FCRL2: variants seen among roughly 807,000 people sequenced by gnomAD.
FCRL2 encodes Fc receptor-like protein 2.
FCRL2 carries 48 observed loss-of-function variants against 59.8 expected under a neutral mutation model. The observed-to-expected ratio is 0.80, with a 90% CI of 0.64 to 1.02. The LOEUF (loss-of-function observed/expected upper bound fraction) is 1.02, where lower values mean the gene tolerates loss of function less well. FCRL2 is among the 50% of genes least tolerant of loss of function. The pLI is 0.00. For synonymous variants in FCRL2, 251 were observed against 229.5 expected (o/e 1.09, Z -0.85); for missense variants, 658 against 597.3 (o/e 1.10, Z -1.06).
In FCRL2 at chr1:157,775,770, C is replaced by T. The variant is rs759856520; in HGVS notation, c.52+5G>A. The T allele has an allele frequency of 1.5e-5, 24 of 1,613,946 alleles. No homozygotes were observed. In the African/African-American group the frequency reaches 3.1e-4, roughly 21 times the overall value. ...CCAAGAACAACAAAGACAAGGAGGACTCACCTGCCTGTTCAGTGACTGCAT... is the reference window on the plus strand; with the variant it reads ...CCAAGAACAACAAAGACAAGGAGGATTCACCTGCCTGTTCAGTGACTGCAT... On this transcript the variant is annotated splice_donor_5th_base_variant and intron_variant, in intron 2 of 11. Coordinates refer to ENST00000361516, the MANE Select transcript of FCRL2 (RefSeq NM_030764.4).
chr1:157,753,011 G>A lies in FCRL2; in HGVS notation c.1280-3334C>T, dbSNP rs1030656975. ...AATAAAAAATGTATTGTTATAAAGCGAAGGCATACAAGTCACACACACAAA... is the reference window on the plus strand; with the variant it reads ...AATAAAAAATGTATTGTTATAAAGCAAAGGCATACAAGTCACACACACAAA... On this transcript the variant is annotated intron_variant, in intron 7 of 11. Transcript: ENST00000361516. 3.9e-5 allele frequency among the ~76,000 whole-genome samples: 6 copies of A among 152,052 alleles called. No individual in the cohort carries two copies. The South Asian group carries it at 6.2e-4, about 16-fold the overall frequency.
intron 1 of FCRL2, 63 bp from the exon 2 acceptor site, chr1:157,775,858 A>G: frequency 1.3e-6 from 2 of 1,568,670 alleles, no homozygotes; most frequent in Non-Finnish European, 1.7e-6. Context: ...TTATAAATTT[A>G]TATTACTCTG....
chr1:157,755,526 A>C (rs936846905), intron 7 of FCRL2, among the ~76,000 whole-genome samples: 3 of 152,210 alleles, frequency 2.0e-5, no homozygotes, highest in African/African-American at 7.2e-5. Context: ...TTAATTCCAC[A>C]GGCATACTGT....
intron 5 of FCRL2, chr1:157,767,756 T>A: frequency 7.0e-7 from 1 of 1,436,068 alleles, no homozygotes; most frequent in Non-Finnish European, 9.3e-7. Context: ...TGTTTTCCTG[T>A]GCCCATCCAG....
At chr1:157,764,968 A>G (rs1649385021) in intron 7 of FCRL2, among the ~76,000 whole-genome samples, 1 of 152,196 alleles carries the variant, frequency 6.6e-6, no homozygotes, top group African/African-American at 2.4e-5. Context: ...AAATGATAAC[A>G]GTCAGAGCAC....
intron 4 of FCRL2, 189 bp from the exon 5 acceptor site, chr1:157,768,890 T>G (rs1185677652): frequency 6.4e-6 from 4 of 625,330 alleles, no homozygotes; most frequent in Non-Finnish European, 1.1e-5. Flanking sequence ...GACATTTGAA[T>G]GTCCTAACCC....
At chr1:157,770,191 C>A in intron 3 of FCRL2, 41 bp from the exon 4 acceptor site, 1 of 1,594,236 alleles carries the variant, frequency 6.3e-7, no homozygotes, top group Non-Finnish European at 8.6e-7. Flanking sequence ...GCAGTGACAG[C>A]TAAGATTCCT....
rs1647768334 is a variant in FCRL2 at position 157,746,674 on chromosome 1, A to G, written c.*62T>C. 4 of 1,553,132 alleles carry G rather than the reference A, an allele frequency of 2.6e-6. No individual in the cohort carries two copies. Among genetic ancestry groups the G allele is most frequent in the Non-Finnish European group, 3.6e-6 (4 of 1,125,594 alleles). ...GCCTCAAGCATTTTCATAAGGTTTTATAGCAAGTCTTAATGATGCCCCATC... is the reference window on the plus strand; with the variant it reads ...GCCTCAAGCATTTTCATAAGGTTTTGTAGCAAGTCTTAATGATGCCCCATC... On this transcript the variant is annotated 3_prime_UTR_variant, in exon 12 of 12. Coordinates refer to ENST00000361516, the MANE Select transcript of FCRL2 (RefSeq NM_030764.4).
intron 7 of FCRL2, among the ~76,000 whole-genome samples, chr1:157,758,256 G>C (rs1648752683): frequency 6.6e-6 from 1 of 152,176 alleles, no homozygotes; most frequent in African/African-American, 2.4e-5. Context: ...GTAAAAGAAT[G>C]AGGAACTGGG....
chr1:157,767,497 C>A lies in FCRL2; in HGVS notation c.896G>T (p.Arg299Leu), dbSNP rs144215277. The A allele has an allele frequency of 3.1e-6, 5 of 1,614,058 alleles. No individual in the cohort carries two copies. The African/African-American group carries it at 5.3e-5, about 17-fold the overall frequency. Residue 299 changes from arginine (R) to leucine (L), a missense_variant, in exon 6 of 12, where the codon CGC (arginine) becomes CTC (leucine). Arg to Leu is a moderately radical substitution (Grantham distance 102). Coordinates refer to ENST00000361516, the MANE Select transcript of FCRL2 (RefSeq NM_030764.4). ...VNIPVRIPVS[R>L]PVLTLRSPGA... ...AGGAGACCTGAGGGTGAGGACAGGG[C>A]GAGACACTGGAACTGACAGACACAG...
chr1:157,768,231 A>T, intron 5 of FCRL2, 183 bp downstream of exon 5: 1 of 591,724 alleles, frequency 1.7e-6, no homozygotes, highest in Non-Finnish European at 3.0e-6. Flanking sequence ...AGCCCTCTTT[A>T]TATTTCCTTC....
At chr1:157,773,896 C>T (rs1650212087) in intron 2 of FCRL2, among the ~76,000 whole-genome samples, 1 of 152,084 alleles carries the variant, frequency 6.6e-6, no homozygotes, top group African/African-American at 2.4e-5. Flanking sequence ...ATCATGCTGA[C>T]CCCCAGAGGG....
At chr1:157,774,323 G>C (rs937373888) in intron 2 of FCRL2, 1 of 393,030 alleles carries the variant, frequency 2.5e-6, no homozygotes, top group Non-Finnish European at 5.0e-6. Flanking sequence ...CCAAGACTGG[G>C]GTTCAGAGGC....
At position 157,770,332 on chromosome 1, in the gene FCRL2, T is replaced by C. The variant is rs560375893; in HGVS notation, c.310+77A>G. On this transcript the variant is annotated intron_variant, in intron 3 of 11. Coordinates refer to ENST00000361516, the MANE Select transcript of FCRL2 (RefSeq NM_030764.4). ...GTCTATATTTAGCCCATGAGCAGCT[T>C]TCCCCTACCCAGTACCCACCCTGCC... The C allele has an allele frequency of 3.9e-6, 6 of 1,531,002 alleles. No homozygotes were observed. In the South Asian group the frequency reaches 7.7e-5, roughly 20 times the overall value. The allele number at this position is 1,531,002 out of a possible 1,614,324, so 94.8% of individuals were successfully genotyped here.
At chr1:157,749,767 G>GA in intron 7 of FCRL2, 90 bp from the exon 8 acceptor site, 1 of 962,708 alleles carries the variant, frequency 1.0e-6, no homozygotes. Context: ...TAATCAGCTG[G>GA]TAAGACATAA....
chr1:157,749,653 G>C lies in FCRL2; in HGVS notation c.1304C>G (p.Pro435Arg), dbSNP rs375675141. Residue 435 changes from proline (P) to arginine (R), a missense_variant, in exon 8 of 12, where the codon CCC (proline) becomes CGC (arginine). Pro to Arg is a moderately radical substitution (Grantham distance 103). Transcript: ENST00000361516. ...ISGESSATNE[P>R]RGASRPNPQE... ...TTTTACTAGGAAGAGTTCTCACCTG[G>C]GTTCATTAGTGGCAGAACTTTCTCC... is the stretch of plus-strand genomic sequence containing the variant. 6.2e-7 allele frequency: 1 copy of C among 1,607,674 alleles called. No homozygotes were observed. Among genetic ancestry groups the C allele is most frequent in the African/African-American group, 1.3e-5 (1 of 74,762 alleles).
chr1:157,772,741 A>C (rs1650118577), intron 2 of FCRL2, among the ~76,000 whole-genome samples: 1 of 152,188 alleles, frequency 6.6e-6, no homozygotes, highest in Non-Finnish European at 1.5e-5. Context: ...TTCTAAGAAA[A>C]AAAGAGGAAG....
Position 157,748,970 on chromosome 1 carries a change from A to G in FCRL2, c.1308-10T>C, listed in dbSNP as rs779422544. 1 of 1,611,314 alleles carries G rather than the reference A, an allele frequency of 6.2e-7. No individual in the cohort carries two copies. The highest frequency in any genetic ancestry group is 8.5e-7 in the Non-Finnish European group (1 of 1,177,724). On this transcript the variant is annotated splice_polypyrimidine_tract_variant and intron_variant, in intron 8 of 11. Coordinates refer to ENST00000361516, the MANE Select transcript of FCRL2 (RefSeq NM_030764.4). ...TGGCCTGGAAGCCCCTCTGTGAGAA[A>G]GTGAATTAATTGTATGATAATCCCC...
intron 4 of FCRL2, 48 bp from the exon 5 acceptor site, chr1:157,768,749 G>C (rs1379007195): frequency 6.6e-7 from 1 of 1,517,090 alleles, no homozygotes; most frequent in East Asian, 2.3e-5. Context: ...GAAACTCTGG[G>C]AACAGGGTTT....
Sources: gnomAD v4.1 joint callset for allele counts (sites outside exome capture counted in the v4.1 genomes callset) on GRCh38, gnomAD v4.1.1 for gene constraint, MANE v1.5 for transcripts, NCBI Gene and HGNC (gene_info 2026-07-23, HGNC 2026-07-21) for gene names.